MACROD2: variants seen among roughly 807,000 people sequenced by gnomAD.
The protein encoded by MACROD2 is mono-ADP ribosylhydrolase 2, also known as ADP-ribose glycohydrolase MACROD2.
MACROD2 carries 36 observed loss-of-function variants against 70.4 expected under a neutral mutation model. The ratio of observed to expected loss-of-function variants is 0.51; its 90% CI spans 0.39 to 0.68. MACROD2 has a LOEUF of 0.68. Ranked by LOEUF, MACROD2 falls within the 30% of genes least tolerant of loss-of-function variation. MACROD2 has a pLI of 0.00. For missense variants in MACROD2, 496 were observed against 538.4 expected (o/e 0.92, Z 0.78); for synonymous variants, 172 against 178.8 (o/e 0.96, Z 0.30).
intron 8 of MACROD2, among the ~76,000 whole-genome samples, chr20:15,683,002 T>C (rs1339717607): frequency 1.3e-5 from 2 of 152,220 alleles, no homozygotes; most frequent in South Asian, 2.1e-4. Context: ...CCCCAGGAGA[T>C]AGTAGTTAAC....
chr20:15,234,011 TC>T (rs1568657539), intron 6 of MACROD2, among the ~76,000 whole-genome samples: 37 of 35,472 alleles, frequency 1.0e-3, no homozygotes, highest in Non-Finnish European at 1.2e-3. Context: ...ATATATATAT[TC>T]TTTTTTTTTT....
chr20:15,611,337 T>G (rs1038928039), intron 8 of MACROD2, among the ~76,000 whole-genome samples: 1 of 152,158 alleles, frequency 6.6e-6, no homozygotes, highest in Non-Finnish European at 1.5e-5. Flanking sequence ...ATTGGAAGCC[T>G]GCCCTCTGAT....
intron 16 of MACROD2, 95 bp downstream of exon 16, chr20:16,041,373 G>A: frequency 4.0e-6 from 4 of 998,108 alleles, no homozygotes; most frequent in South Asian, 3.4e-5. Flanking sequence ...GTTCTATAAA[G>A]CAACATATTT....
At chr20:14,598,867 C>A (rs1422730373) in intron 4 of MACROD2, among the ~76,000 whole-genome samples, 1 of 152,078 alleles carries the variant, frequency 6.6e-6, no homozygotes, top group Non-Finnish European at 1.5e-5. Context: ...AGAATTATAT[C>A]ATGTAAATCA....
At chr20:15,127,714 A>G (rs1007665516) in intron 5 of MACROD2, among the ~76,000 whole-genome samples, 5 of 152,200 alleles carry the variant, frequency 3.3e-5, no homozygotes, top group Middle Eastern at 3.4e-3. Context: ...AGGGCACACA[A>G]CCAATATGGC....
intron 3 of MACROD2, among the ~76,000 whole-genome samples, chr20:14,390,236 G>C (rs1221126950): frequency 6.6e-6 from 1 of 152,086 alleles, no homozygotes; most frequent in Non-Finnish European, 1.5e-5. Context: ...ATTGCTCAAA[G>C]AAATCAGAGA....
chr20:15,692,734 C>T (rs76017107), intron 8 of MACROD2, among the ~76,000 whole-genome samples: 1,828 of 152,292 alleles, frequency 0.012, 31 homozygotes, highest in African/African-American at 0.037. Context: ...ACTCAGCAGA[C>T]ATTACACTTC....
intron 3 of MACROD2, among the ~76,000 whole-genome samples, chr20:14,203,844 C>T (rs371250064): frequency 7.9e-5 from 12 of 152,232 alleles, no homozygotes; most frequent in African/African-American, 2.6e-4. Flanking sequence ...TCCAGGTGGG[C>T]CAGTCCTTGG....
chr20:14,284,935 G>T (rs1382465190), intron 3 of MACROD2, among the ~76,000 whole-genome samples: 2 of 152,138 alleles, frequency 1.3e-5, no homozygotes, highest in Non-Finnish European at 2.9e-5. Context: ...TATGGCATCA[G>T]ATAAGCTTGT....
intron 8 of MACROD2, among the ~76,000 whole-genome samples, chr20:15,591,586 T>TAAAAAAAAAAAAA (rs11471295): frequency 1.5e-5 from 1 of 65,112 alleles, no homozygotes; most frequent in Non-Finnish European, 2.6e-5. Flanking sequence ...AAGCCAGTAC[T>TAAAAAAAAAAAAA]AAAAAAAAAA....
intron 6 of MACROD2, among the ~76,000 whole-genome samples, chr20:15,299,118 G>A (rs980467334): frequency 6.6e-6 from 1 of 152,124 alleles, no homozygotes; most frequent in Non-Finnish European, 1.5e-5. Context: ...TTTGCTGTCT[G>A]GTTATTTTTC....
chr20:15,410,909 A>G (rs909397617), intron 6 of MACROD2, among the ~76,000 whole-genome samples: 4 of 152,284 alleles, frequency 2.6e-5, no homozygotes, highest in African/African-American at 9.6e-5. Context: ...TCTTATTGCC[A>G]GAGGCTCTAG....
At chr20:14,380,975 T>C (rs968107525) in intron 3 of MACROD2, among the ~76,000 whole-genome samples, 1 of 152,176 alleles carries the variant, frequency 6.6e-6, no homozygotes, top group African/African-American at 2.4e-5. Flanking sequence ...TTTTATTTTG[T>C]ATTCACATAG....
intron 5 of MACROD2, chr20:14,850,324 G>A (rs6042951): frequency 4.4e-5 from 7 of 157,998 alleles, no homozygotes; most frequent in Admixed American, 1.3e-4. Context: ...TATGCAAATG[G>A]ACTTTGAAAT....
chr20:15,665,521 C>G (rs1445131670), intron 8 of MACROD2, among the ~76,000 whole-genome samples: 5 of 152,182 alleles, frequency 3.3e-5, no homozygotes, highest in Non-Finnish European at 7.3e-5. Context: ...CCTGGAGAAG[C>G]AGGGCTGCAA....
At chr20:15,498,964 T>C (rs1024000335) in intron 7 of MACROD2, among the ~76,000 whole-genome samples, 5 of 152,184 alleles carry the variant, frequency 3.3e-5, no homozygotes, top group Admixed American at 6.5e-5. Flanking sequence ...TTCAGTAGCA[T>C]AGTTACTCCT....
intron 8 of MACROD2, among the ~76,000 whole-genome samples, chr20:15,659,151 G>A (rs560873608): frequency 3.3e-5 from 5 of 152,160 alleles, no homozygotes; most frequent in South Asian, 2.1e-4. Flanking sequence ...GTCAGAAACC[G>A]TTTTAAAATG....
At chr20:15,301,006 G>T (rs186921894) in intron 6 of MACROD2, among the ~76,000 whole-genome samples, 4 of 152,144 alleles carry the variant, frequency 2.6e-5, no homozygotes, top group Non-Finnish European at 5.9e-5. Context: ...CCTGCACCTT[G>T]GTGAGCTTGC....
At chr20:14,462,303 CA>C (rs1239608847) in intron 3 of MACROD2, among the ~76,000 whole-genome samples, 2 of 152,056 alleles carry the variant, frequency 1.3e-5, no homozygotes, top group Non-Finnish European at 2.9e-5. Flanking sequence ...AGCATTTTTT[CA>C]TGTGTTTTTT....
Sources: allele counts gnomAD v4.1 joint callset (sites outside exome capture counted in the v4.1 genomes callset), GRCh38; gene constraint gnomAD v4.1.1; transcripts MANE v1.5; gene names NCBI Gene and HGNC (gene_info 2026-07-23, HGNC 2026-07-21).